The following SLCO6A1 variants were observed in gnomAD, a reference collection of about 807,000 sequenced individuals.
SLCO6A1 encodes the protein cancer/testis antigen 48.
SLCO6A1 carries 65 observed loss-of-function variants against 72.7 expected under a neutral mutation model. The observed-to-expected ratio is 0.89, with a 90% confidence interval of 0.73 to 1.10. SLCO6A1 has a LOEUF of 1.10. SLCO6A1 is among the 50% of genes least tolerant of loss of function. The pLI is 0.00. For missense variants in SLCO6A1, 874 were observed against 872.6 expected (o/e 1.00, Z -0.02); for synonymous variants, 314 against 298.2 (o/e 1.05, Z -0.55).
chr5:102,395,310 G>A (rs1200055015), intron 10 of SLCO6A1, among the ~76,000 whole-genome samples: 2 of 151,946 alleles, frequency 1.3e-5, no homozygotes, highest in Admixed American at 1.3e-4. Context: ...CTGTCCTTGT[G>A]ATAGTTTGCT....
At chr5:102,487,437 T>C (rs1032289363) in intron 1 of SLCO6A1, among the ~76,000 whole-genome samples, 1 of 152,202 alleles carries the variant, frequency 6.6e-6, no homozygotes, top group Non-Finnish European at 1.5e-5. Context: ...GATGGTTATA[T>C]GCACTATATG....
At chr5:102,460,864 G>GGGTTGCA (rs1750989172) in intron 4 of SLCO6A1, among the ~76,000 whole-genome samples, 2 of 73,660 alleles carry the variant, frequency 2.7e-5, no homozygotes, top group African/African-American at 1.1e-4. Flanking sequence ...AATTTTCCTA[G>GGGTTGCA]GGTTGCAGTC....
At chr5:102,396,160 T>G (rs1382152251) in intron 10 of SLCO6A1, among the ~76,000 whole-genome samples, 1 of 152,092 alleles carries the variant, frequency 6.6e-6, no homozygotes, top group Non-Finnish European at 1.5e-5. Flanking sequence ...TCTTCTAGGG[T>G]TTTTATGGTT....
intron 12 of SLCO6A1, among the ~76,000 whole-genome samples, chr5:102,377,607 T>A (rs1745870538): frequency 6.6e-6 from 1 of 151,984 alleles, no homozygotes; most frequent in African/African-American, 2.4e-5. Context: ...CACCTCAGTT[T>A]TTTTTAATAA....
chr5:102,415,420 T>C (rs140834964), intron 8 of SLCO6A1, among the ~76,000 whole-genome samples: 1 of 152,142 alleles, frequency 6.6e-6, no homozygotes, highest in Non-Finnish European at 1.5e-5. Flanking sequence ...TATAGCCAAC[T>C]GATCTTTGAC....
chr5:102,412,885 C>G (rs1580378717), intron 9 of SLCO6A1, 105 bp downstream of exon 9: 1 of 445,552 alleles, frequency 2.2e-6, no homozygotes. Flanking sequence ...ATAGCATCTA[C>G]AAGTTGAACA....
Position 102,491,736 on chromosome 5 carries a change from CCTT to C in SLCO6A1, c.358+6748_358+6750del, listed in dbSNP as rs374033594. On this transcript the variant is annotated intron_variant, in intron 1 of 13. Coordinates refer to ENST00000506729, the MANE Select transcript of SLCO6A1 (RefSeq NM_173488.5). ...TCCCGCCCGTGCCTCTCCCTCCACA[CCTT>C]CTTGCAAGCTGAGGGAGCCGGCTCC... Among the ~76,000 whole-genome samples the C allele has an allele frequency of 6.7e-3, 1,024 of 152,382 alleles. 9 individuals are homozygous for C. Among genetic ancestry groups the C allele is most frequent in the African/African-American group, 0.023 (974 of 41,600 alleles).
chr5:102,424,903 C>A (rs772088309), intron 7 of SLCO6A1, among the ~76,000 whole-genome samples: 3 of 151,918 alleles, frequency 2.0e-5, no homozygotes, highest in African/African-American at 4.8e-5. Context: ...AAGCAGCACA[C>A]TAGAAAGCTT....
intron 7 of SLCO6A1, among the ~76,000 whole-genome samples, chr5:102,432,315 A>G (rs1398669875): frequency 1.3e-5 from 2 of 152,006 alleles, no homozygotes; most frequent in Admixed American, 1.3e-4. Flanking sequence ...TGTTTGTGTG[A>G]TTGCTTTATA....
intron 4 of SLCO6A1, among the ~76,000 whole-genome samples, chr5:102,467,262 C>T (rs544412660): frequency 6.6e-6 from 1 of 152,052 alleles, no homozygotes; most frequent in South Asian, 2.1e-4. Context: ...ACCAAAAATA[C>T]AAAAACATTA....
At chr5:102,466,818 C>T (rs1751337798) in intron 4 of SLCO6A1, among the ~76,000 whole-genome samples, 1 of 152,120 alleles carries the variant, frequency 6.6e-6, no homozygotes, top group Non-Finnish European at 1.5e-5. Flanking sequence ...TGTATGTCTT[C>T]TTTTGAGAAG....
chr5:102,468,189 T>A (rs1751404447), intron 4 of SLCO6A1, among the ~76,000 whole-genome samples: 1 of 152,132 alleles, frequency 6.6e-6, no homozygotes, highest in African/African-American at 2.4e-5. Flanking sequence ...CACTGTGGTC[T>A]GAGAGGATAC....
At chr5:102,473,739 CACATA>C (rs968391217) in intron 4 of SLCO6A1, among the ~76,000 whole-genome samples, 1 of 151,916 alleles carries the variant, frequency 6.6e-6, no homozygotes, top group Non-Finnish European at 1.5e-5. Flanking sequence ...TACTTGCATA[CACATA>C]ACATATGTGT....
At chr5:102,398,109 A>C (rs1310675236) in intron 10 of SLCO6A1, among the ~76,000 whole-genome samples, 1 of 152,158 alleles carries the variant, frequency 6.6e-6, no homozygotes, top group African/African-American at 2.4e-5. Flanking sequence ...ATTCAGTTCC[A>C]AACTGGAAGT....
chr5:102,410,453 C>T (rs1463849280), intron 9 of SLCO6A1, among the ~76,000 whole-genome samples: 1 of 152,188 alleles, frequency 6.6e-6, no homozygotes, highest in East Asian at 1.9e-4. Flanking sequence ...TTGTTGCTCT[C>T]TCCCATTCAC....
chr5:102,412,627 G>T (rs1217648288), intron 9 of SLCO6A1, among the ~76,000 whole-genome samples: 1 of 152,002 alleles, frequency 6.6e-6, no homozygotes, highest in Non-Finnish European at 1.5e-5. Context: ...TGTGTGCGGT[G>T]GTGTGCGCCT....
intron 12 of SLCO6A1, among the ~76,000 whole-genome samples, chr5:102,388,469 C>T (rs1007111871): frequency 2.0e-5 from 3 of 152,052 alleles, no homozygotes; most frequent in Non-Finnish European, 4.4e-5. Context: ...TTCTGAATAG[C>T]TGGGACTACA....
chr5:102,443,113 C>T (rs553106928), intron 6 of SLCO6A1, among the ~76,000 whole-genome samples: 315 of 152,174 alleles, frequency 2.1e-3, no homozygotes, highest in Non-Finnish European at 3.1e-3. Context: ...AGGAGAATGG[C>T]GTGAACCTGG....
intron 7 of SLCO6A1, among the ~76,000 whole-genome samples, chr5:102,430,513 T>C (rs1749156931): frequency 6.6e-6 from 1 of 152,182 alleles, no homozygotes; most frequent in African/African-American, 2.4e-5. Context: ...CATGAAGGGA[T>C]GTTGAATTTT....
Sources: allele counts gnomAD v4.1 joint callset (sites outside exome capture counted in the v4.1 genomes callset), GRCh38; gene constraint gnomAD v4.1.1; transcripts MANE v1.5; gene names NCBI Gene and HGNC (gene_info 2026-07-23, HGNC 2026-07-21).